Variants in PIGN observed in about 807,000 individuals in gnomAD.
PIGN encodes GPI ethanolamine phosphate transferase 1.
In PIGN, 117 loss-of-function variants were observed where a neutral mutation model predicts 125.4. That is an observed-to-expected ratio of 0.93 (90% CI 0.80 to 1.09). PIGN has a LOEUF of 1.09. Ranked by LOEUF, PIGN falls within the 50% of genes least tolerant of loss-of-function variation. The pLI is 0.00. For missense variants in PIGN, 1,075 were observed against 1,094.9 expected (o/e 0.98, Z 0.26); for synonymous variants, 392 against 377.8 (o/e 1.04, Z -0.44).
intron 30 of PIGN, 61 bp downstream of exon 30, chr18:62,072,612 A>G (rs1259367579): frequency 1.5e-6 from 2 of 1,324,224 alleles, no homozygotes; most frequent in Admixed American, 4.0e-5. Context: ...AAATTGCCTA[A>G]CAATATATTT....
chr18:62,124,665 C>CT (rs2035434929), intron 14 of PIGN, among the ~76,000 whole-genome samples: 1 of 152,216 alleles, frequency 6.6e-6, no homozygotes, highest in African/African-American at 2.4e-5. Flanking sequence ...CCATTCCTCT[C>CT]TTTTGCTCTT....
intron 30 of PIGN, 192 bp downstream of exon 30, chr18:62,072,481 T>A: frequency 2.2e-6 from 1 of 445,320 alleles, no homozygotes; most frequent in Non-Finnish European, 4.1e-6. Flanking sequence ...GTATTCAGTA[T>A]GATAACATGC....
Position 62,084,669 on chromosome 18 carries a change from T to G in PIGN, c.2427-63A>C. On this transcript the variant is annotated intron_variant, in intron 26 of 30. Transcript: ENST00000640252. ...ACTCTGTAACTTTAAAAGAATATTC[T>G]TCTAAAAAGATGTTTAAACTAATTC... The G allele has an allele frequency of 7.8e-6, 8 of 1,024,112 alleles. No homozygotes were observed. The South Asian group carries it at 1.0e-4, about 13-fold the overall frequency. The allele number at this position is 1,024,112 out of a possible 1,614,324, so 63.4% of individuals were successfully genotyped here. A position where few individuals can be genotyped will look rare whatever the true frequency, so the allele number is the denominator to read the frequency against.
chr18:62,050,638 A>G lies in PIGN; in HGVS notation c.2673-4659T>C, dbSNP rs1439418170. Among the ~76,000 whole-genome samples, 8 of 151,970 alleles carry G rather than the reference A, an allele frequency of 5.3e-5. No homozygotes were observed. In the South Asian group the frequency reaches 1.0e-3, roughly 20 times the overall value. ...GGTTTTCTAGATATACAATCATGTC[A>G]TCTGCAAACAGGGACAATTTGACTT... is the stretch of plus-strand genomic sequence containing the variant. On this transcript the variant is annotated intron_variant, in intron 30 of 30. Transcript: ENST00000640252.
intron 21 of PIGN, 37 bp from the exon 22 acceptor site, chr18:62,101,220 G>A (rs752432613): frequency 8.4e-7 from 1 of 1,189,392 alleles, no homozygotes; most frequent in South Asian, 1.3e-5. Context: ...AAAAAGAGAA[G>A]GTAGTGAAAG....
intron 24 of PIGN, 95 bp downstream of exon 24, chr18:62,090,381 T>C: frequency 1.5e-6 from 1 of 681,052 alleles, no homozygotes; most frequent in East Asian, 3.1e-5. Flanking sequence ...ACTAAAATTT[T>C]AAGTAGAAAG....
At chr18:62,093,456 T>G (rs1316260043) in intron 23 of PIGN, among the ~76,000 whole-genome samples, 1 of 152,020 alleles carries the variant, frequency 6.6e-6, no homozygotes, top group Non-Finnish European at 1.5e-5. Flanking sequence ...TAAATTAGGA[T>G]CTGCTGGTTT....
intron 14 of PIGN, chr18:62,137,989 T>G (rs983037904): frequency 9.4e-6 from 4 of 426,050 alleles, no homozygotes; most frequent in African/African-American, 8.4e-5. Context: ...AGTCAAGCCC[T>G]GTGGAGTTCA....
At chr18:62,138,123 C>T (rs943272300) in intron 14 of PIGN, 120 bp downstream of exon 14, 22 of 1,338,828 alleles carry the variant, frequency 1.6e-5, no homozygotes, top group Non-Finnish European at 2.2e-5. Context: ...TTGGAGTTTA[C>T]ACTAATGTAT....
intron 25 of PIGN, among the ~76,000 whole-genome samples, chr18:62,087,081 C>T (rs1236976181): frequency 1.3e-5 from 2 of 152,088 alleles, no homozygotes; most frequent in South Asian, 2.1e-4. Context: ...TTTGGAAAAA[C>T]ACATCTTAGA....
At chr18:62,168,013 G>A (rs934078888) in intron 1 of PIGN, among the ~76,000 whole-genome samples, 2 of 151,934 alleles carry the variant, frequency 1.3e-5, no homozygotes, top group African/African-American at 4.8e-5. Flanking sequence ...GACCAAAAAT[G>A]GAGAAACCCT....
At chr18:62,167,760 A>G (rs191008980) in intron 1 of PIGN, among the ~76,000 whole-genome samples, 40 of 152,236 alleles carry the variant, frequency 2.6e-4, no homozygotes, top group African/African-American at 8.2e-4. Context: ...TGTAGATAAT[A>G]TATTATGAAA....
At chr18:62,123,721 T>C (rs1397866717) in intron 14 of PIGN, among the ~76,000 whole-genome samples, 1 of 152,106 alleles carries the variant, frequency 6.6e-6, no homozygotes, top group Non-Finnish European at 1.5e-5. Context: ...ATTTTAGATA[T>C]TAAGGGAGAG....
intron 6 of PIGN, among the ~76,000 whole-genome samples, chr18:62,154,897 C>T (rs368326939): frequency 1.3e-4 from 20 of 152,030 alleles, no homozygotes; most frequent in African/African-American, 2.4e-4. Context: ...ATTTTAATTT[C>T]GCAGATTCAT....
At chr18:62,138,116 G>A in intron 14 of PIGN, 127 bp downstream of exon 14, 1 of 1,269,116 alleles carries the variant, frequency 7.9e-7, no homozygotes, top group Non-Finnish European at 1.1e-6. Flanking sequence ...TTTCAATTTG[G>A]AGTTTACACT....
intron 24 of PIGN, among the ~76,000 whole-genome samples, chr18:62,089,439 T>C (rs2033861147): frequency 6.6e-6 from 1 of 152,142 alleles, no homozygotes; most frequent in Non-Finnish European, 1.5e-5. Flanking sequence ...CACTCCTACT[T>C]CCCATGTAAT....
intron 12 of PIGN, 30 bp downstream of exon 12, chr18:62,140,390 G>A (rs1450817800): frequency 3.0e-6 from 3 of 997,614 alleles, no homozygotes; most frequent in Non-Finnish European, 4.5e-6. Context: ...TTTTTATACT[G>A]AGAGTTGATA....
At chr18:62,111,684 G>C (rs1283507877) in intron 16 of PIGN, among the ~76,000 whole-genome samples, 1 of 152,088 alleles carries the variant, frequency 6.6e-6, no homozygotes, top group African/African-American at 2.4e-5. Flanking sequence ...TGTCCAGTCT[G>C]CAGCCCACAG....
intron 16 of PIGN, among the ~76,000 whole-genome samples, chr18:62,110,317 C>T (rs1368753689): frequency 2.6e-5 from 4 of 152,094 alleles, no homozygotes; most frequent in African/African-American, 9.7e-5. Context: ...CTGGATAACT[C>T]GCAAAAGCCT....
Sources: allele counts gnomAD v4.1 joint callset (sites outside exome capture counted in the v4.1 genomes callset), GRCh38; gene constraint gnomAD v4.1.1; transcripts MANE v1.5; gene names NCBI Gene and HGNC (gene_info 2026-07-23, HGNC 2026-07-21).